HYI: variants seen among roughly 807,000 people sequenced by gnomAD.
The protein encoded by HYI is putative hydroxypyruvate isomerase.
Under a neutral mutation model 39.7 loss-of-function variants are expected in HYI, and 47 were observed. The observed-to-expected ratio is 1.18, with a 90% CI of 0.94 to 1.51. The LOEUF (loss-of-function observed/expected upper bound fraction) is 1.51. Ranked by LOEUF, HYI falls within the 40% of genes most tolerant of loss-of-function variation. The pLI, the probability that HYI is intolerant of heterozygous loss-of-function variation, is 0.00. For synonymous variants in HYI, 186 were observed against 158.8 expected (o/e 1.17, Z -1.29); for missense variants, 465 against 370.3 (o/e 1.26, Z -2.10).
At position 43,451,932 on chromosome 1, in the gene HYI, T is replaced by G. The variant is rs902948476; in HGVS notation, c.505+3A>C. The G allele has an allele frequency of 1.9e-6, 3 of 1,612,730 alleles. No individual in the cohort carries two copies. The highest frequency in any genetic ancestry group is 4.5e-5 in the East Asian group (2 of 44,824). On this transcript the variant is annotated splice_donor_region_variant and intron_variant, in intron 4 of 7. Coordinates refer to ENST00000372430, the MANE Select transcript of HYI (RefSeq NM_001190880.3). The stretch of plus-strand genomic sequence containing the variant: ...AGAAGGAGAGACAGGGCTGGGGTCG[T>G]ACCCTGCTGGGGCGTGTCCAGGAAG...
At chr1:43,452,391 G>C (rs150009822) in intron 2 of HYI, 72 bp from the exon 3 acceptor site, 3 of 1,250,412 alleles carry the variant, frequency 2.4e-6, no homozygotes, top group Non-Finnish European at 3.5e-6. Flanking sequence ...TTCCCTGACT[G>C]TGCCAGCCCT....
chr1:43,450,805 C>A, downstream of HYI: 1 of 708,384 alleles, frequency 1.4e-6, no homozygotes, highest in Admixed American at 1.7e-5. This position sits in a 1 kb window ranked among gnomAD's most constrained non-coding sequence, Gnocchi z 4.3. Flanking sequence ...GCAAACACCC[C>A]CTAGAGCTCC....
At chr1:43,450,978 C>T (rs541575087), downstream of HYI, 26 of 764,114 alleles carry the variant, frequency 3.4e-5, no homozygotes, top group South Asian at 5.4e-5. This position sits in a 1 kb window ranked among gnomAD's most constrained non-coding sequence, Gnocchi z 4.3. Flanking sequence ...TTGTGGCCAC[C>T]GTCAAGTCCC....
rs1260756444 is a variant in HYI at position 43,452,640 on chromosome 1, C to T, written c.312-321G>A. Reference sequence around the variant, plus strand: ...AAAAATTGTCCTGACCTTTGCTTGCCCTTCTCAGGTATTCCATGCTGCTGT... The same window carrying T: ...AAAAATTGTCCTGACCTTTGCTTGCTCTTCTCAGGTATTCCATGCTGCTGT... On this transcript the variant is annotated intron_variant, in intron 2 of 7. Transcript: ENST00000372430. The T allele has an allele frequency of 2.2e-5, 13 of 597,272 alleles. 1 individual carries two copies. The highest frequency in any genetic ancestry group is 3.9e-5 in the Non-Finnish European group (13 of 335,096). 37.0% of individuals were successfully genotyped at this position (597,272 alleles called of 1,614,324 possible).
chr1:43,452,128 G>T, intron 3 of HYI, 77 bp downstream of exon 3: 1 of 1,487,898 alleles, frequency 6.7e-7, no homozygotes, highest in Non-Finnish European at 9.3e-7. Context: ...AGCCTCACGT[G>T]CTGTCCCCAC....
Position 43,453,783 on chromosome 1 carries a change from A to G in HYI, c.11T>C (p.Leu4Pro). 1 of 1,284,362 alleles carries G rather than the reference A, an allele frequency of 7.8e-7. No individual in the cohort carries two copies. The highest frequency in any genetic ancestry group is 9.8e-7 in the Non-Finnish European group (1 of 1,018,914). The allele number at this position is 1,284,362 out of a possible 1,614,324, so 79.6% of individuals were successfully genotyped here. Residue 4 changes from leucine (L) to proline (P), a missense_variant, in exon 1 of 8, where the codon CTG (leucine) becomes CCG (proline). Coordinates refer to ENST00000372430, the MANE Select transcript of HYI (RefSeq NM_001190880.3). MAP[L>P]RFSANLSWLF... ...CCAGGACAGATTGGCGGAGAAGCGC[A>G]GCGGCGCCATGCCTGGGGAGGCCGG...
intron 2 of HYI, 43 bp from the exon 3 acceptor site, chr1:43,452,362 C>T (rs533456360): frequency 4.1e-6 from 6 of 1,459,408 alleles, no homozygotes; most frequent in African/African-American, 2.8e-5. Context: ...CCTTGGCTCT[C>T]TCTGCACCTC....
chr1:43,452,479 C>T, intron 2 of HYI, 160 bp from the exon 3 acceptor site: 1 of 710,532 alleles, frequency 1.4e-6, no homozygotes, highest in Non-Finnish European at 2.6e-6. Flanking sequence ...AGAGACACTT[C>T]AGTGATGGCT....
chr1:43,451,147 A>G lies in HYI; in HGVS notation c.*91T>C, dbSNP rs776092884. 23 of 1,199,922 alleles carry G rather than the reference A, an allele frequency of 1.9e-5. No homozygotes were observed. In the South Asian group the frequency reaches 2.2e-4, roughly 11 times the overall value. The allele number at this position is 1,199,922 out of a possible 1,614,324, so 74.3% of individuals were successfully genotyped here. A position where few individuals can be genotyped will look rare whatever the true frequency, so the allele number is the denominator to read the frequency against. ...TGTCCCACCACCCCATTACAGAGACATATGACAATGTTCAGCAGGTCATCT... is the reference window on the plus strand; with the variant it reads ...TGTCCCACCACCCCATTACAGAGACGTATGACAATGTTCAGCAGGTCATCT... On this transcript the variant is annotated 3_prime_UTR_variant, in exon 8 of 8. Transcript: ENST00000372430.
In HYI at chr1:43,451,208, T is replaced by C. The variant is rs372987904; in HGVS notation, c.*30A>G. On this transcript the variant is annotated 3_prime_UTR_variant, in exon 8 of 8. Transcript: ENST00000372430. ...GGAGGAGATGGGATGTCACTCGCTGTCTGGAGGCACGTGGGTGGTGTGCGG... is the reference window on the plus strand; with the variant it reads ...GGAGGAGATGGGATGTCACTCGCTGCCTGGAGGCACGTGGGTGGTGTGCGG... 579 of 1,606,234 alleles carry C rather than the reference T, an allele frequency of 3.6e-4. No individual in the cohort carries two copies. The highest frequency in any genetic ancestry group is 1.8e-4 in the Non-Finnish European group (208 of 1,173,072).
intron 2 of HYI, chr1:43,452,725 T>C (rs191827274): frequency 1.6e-6 from 1 of 638,154 alleles, no homozygotes; most frequent in Admixed American, 2.6e-5. Flanking sequence ...GCCCCCACCA[T>C]TGACCAGTAG....
chr1:43,453,263 G>A (rs928234287), intron 2 of HYI, 123 bp downstream of exon 2: 7 of 686,170 alleles, frequency 1.0e-5, no homozygotes, highest in Non-Finnish European at 1.7e-5. Context: ...GACCAGGACC[G>A]CAGAGGCAGA....
At chr1:43,452,529 A>C (rs1570764583) in intron 2 of HYI, 1 of 660,338 alleles carries the variant, frequency 1.5e-6, no homozygotes, top group East Asian at 2.7e-5. Flanking sequence ...GTGTCCACCC[A>C]CCGCCTCCTG....
chr1:43,453,354 C>G (rs2153938632), intron 2 of HYI, 32 bp downstream of exon 2: 2 of 1,407,820 alleles, frequency 1.4e-6, no homozygotes, highest in East Asian at 5.1e-5. Flanking sequence ...GGTCATGGGT[C>G]ACAGGGGTGG....
intron 5 of HYI, 30 bp downstream of exon 5, chr1:43,451,768 C>G (rs764438956): frequency 6.8e-6 from 11 of 1,613,918 alleles, no homozygotes; most frequent in African/African-American, 4.0e-5. Context: ...CGCCCTCCTT[C>G]CGATCTGCGA....
Sources: allele counts gnomAD v4.1 joint callset, GRCh38; gene constraint gnomAD v4.1.1; non-coding constraint Gnocchi (gnomAD v3.1); transcripts MANE v1.5; gene names NCBI Gene and HGNC (gene_info 2026-07-23, HGNC 2026-07-21).